The following GPM6A variants were observed in gnomAD, a reference collection of about 807,000 sequenced individuals.
GPM6A encodes glycoprotein M6A.
A neutral mutation model predicts 32.1 loss-of-function variants in GPM6A; 7 were observed. The ratio of observed to expected loss-of-function variants is 0.22; its 90% CI spans 0.12 to 0.41. The LOEUF (loss-of-function observed/expected upper bound fraction) is 0.41, where lower values mean the gene tolerates loss of function less well. Among genes scored for constraint, GPM6A ranks in the 10% least tolerant of loss-of-function variants. The pLI, the probability that GPM6A is intolerant of heterozygous loss-of-function variation, is 1.00. For missense variants in GPM6A, 235 were observed against 347.2 expected (o/e 0.68, Z 2.57); for synonymous variants, 130 against 123.4 (o/e 1.05, Z -0.35).
intron 1 of GPM6A, among the ~76,000 whole-genome samples, chr4:175,961,897 C>T (rs1245743360): frequency 6.6e-6 from 1 of 152,186 alleles, no homozygotes; most frequent in Non-Finnish European, 1.5e-5. Context: ...CCCAAGGGCA[C>T]AGGCTCAGTA....
chr4:175,984,320 G>A (rs141697120), intron 1 of GPM6A, among the ~76,000 whole-genome samples: 1,560 of 151,906 alleles, frequency 0.01, 10 homozygotes, highest in South Asian at 0.023. Flanking sequence ...GTTCCACCAC[G>A]CCCGGCTAAT....
intron 1 of GPM6A, among the ~76,000 whole-genome samples, chr4:175,962,991 AG>A: frequency 6.6e-6 from 1 of 152,312 alleles, no homozygotes; most frequent in East Asian, 1.9e-4. Flanking sequence ...AAATCTAAAG[AG>A]TGCTAGAAAT....
chr4:175,987,303 A>G (rs892988412), intron 1 of GPM6A, among the ~76,000 whole-genome samples: 1 of 152,204 alleles, frequency 6.6e-6, no homozygotes, highest in Non-Finnish European at 1.5e-5. Context: ...CTGGCTCTTA[A>G]TTCTAGCTTC....
At chr4:175,858,744 G>T (rs1372787536) in intron 1 of GPM6A, among the ~76,000 whole-genome samples, 1 of 152,046 alleles carries the variant, frequency 6.6e-6, no homozygotes, top group Non-Finnish European at 1.5e-5. Flanking sequence ...GAGAAACGAA[G>T]GTGTGTGTCC....
intron 1 of GPM6A, among the ~76,000 whole-genome samples, chr4:175,931,959 G>A (rs1739061422): frequency 6.6e-6 from 1 of 151,758 alleles, no homozygotes; most frequent in African/African-American, 2.4e-5. Flanking sequence ...AGGTATGGTG[G>A]TGCATGCCTG....
chr4:175,927,498 G>A (rs1475624487), intron 1 of GPM6A, among the ~76,000 whole-genome samples: 11 of 152,238 alleles, frequency 7.2e-5, no homozygotes, highest in Admixed American at 5.2e-4. Context: ...CTAGACCTAC[G>A]TCTCCCAACA....
chr4:175,642,845 C>A (rs1323165379), intron 4 of GPM6A, among the ~76,000 whole-genome samples: 1 of 152,070 alleles, frequency 6.6e-6, no homozygotes, highest in African/African-American at 2.4e-5. Context: ...ATTCATATAT[C>A]CAATTTCTCA....
At chr4:175,874,316 GAC>G (rs1194727016) in intron 1 of GPM6A, among the ~76,000 whole-genome samples, 1 of 152,162 alleles carries the variant, frequency 6.6e-6, no homozygotes, top group Non-Finnish European at 1.5e-5. Context: ...AGAAGTCAGA[GAC>G]ATTTTAAAAA....
rs1732346346 is a variant in GPM6A, at chr4:175,751,753, T to TG, written c.38-49987_38-49986insC. ...AGTCACACGATGCACCTGTTTTTTT[T>TG]TTTGTTGTTGTTGTTTGTTTTTTGG... On this transcript the variant is annotated intron_variant, in intron 1 of 6. Coordinates refer to ENST00000393658, the MANE Select transcript of GPM6A (RefSeq NM_201591.3). 7.2e-5 allele frequency among the ~76,000 whole-genome samples: 11 copies of TG among 152,038 alleles called. No homozygotes were observed. In the South Asian group the frequency reaches 2.3e-3, roughly 32 times the overall value.
intron 1 of GPM6A, among the ~76,000 whole-genome samples, chr4:175,873,524 A>C (rs1736981336): frequency 6.6e-6 from 1 of 152,186 alleles, no homozygotes; most frequent in African/African-American, 2.4e-5. Flanking sequence ...AAACATAGCC[A>C]AACTATAAAT....
chr4:175,702,798 G>A (rs1744953514), intron 1 of GPM6A, among the ~76,000 whole-genome samples: 1 of 152,118 alleles, frequency 6.6e-6, no homozygotes, highest in African/African-American at 2.4e-5. Context: ...GACAGAGACT[G>A]GAAGAGACAA....
At chr4:175,881,431 T>C (rs1737271514) in intron 1 of GPM6A, among the ~76,000 whole-genome samples, 1 of 152,186 alleles carries the variant, frequency 6.6e-6, no homozygotes, top group Non-Finnish European at 1.5e-5. Flanking sequence ...TGGAAGACAG[T>C]GTAGCAATTC....
intron 1 of GPM6A, among the ~76,000 whole-genome samples, chr4:175,932,285 A>C (rs1384392811): frequency 1.3e-5 from 2 of 152,252 alleles, no homozygotes; most frequent in Non-Finnish European, 2.9e-5. Flanking sequence ...GAAGGGGATT[A>C]AGGCTCTTAT....
intron 1 of GPM6A, among the ~76,000 whole-genome samples, chr4:175,820,795 G>C (rs772890189): frequency 6.6e-6 from 1 of 151,906 alleles, no homozygotes; most frequent in Non-Finnish European, 1.5e-5. Context: ...CACCACACCC[G>C]GCCTGTTTTG....
chr4:175,905,526 T>C (rs1204189812), intron 1 of GPM6A, among the ~76,000 whole-genome samples: 1 of 152,044 alleles, frequency 6.6e-6, no homozygotes, highest in Non-Finnish European at 1.5e-5. Flanking sequence ...TACAAACCAT[T>C]CTCCCTTTCC....
chr4:175,691,848 A>T (rs2111038318), intron 2 of GPM6A, among the ~76,000 whole-genome samples: 1 of 152,356 alleles, frequency 6.6e-6, no homozygotes, highest in Non-Finnish European at 1.5e-5. Flanking sequence ...AATCCTTAAA[A>T]GTAAAAGAGA....
At position 175,637,203 on chromosome 4, in the gene GPM6A, G is replaced by C. The variant is rs796086443; in HGVS notation, c.685-2146C>G. On this transcript the variant is annotated intron_variant, in intron 6 of 6. Transcript: ENST00000393658. ...GTGACATATATCATATATTATATGT[G>C]ACATAATATATCATATATAATATAA... is the stretch of plus-strand genomic sequence containing the variant. Among the ~76,000 whole-genome samples, 126 of 16,140 alleles carry C rather than the reference G, an allele frequency of 7.8e-3. 1 individual carries two copies. The highest frequency in any genetic ancestry group is 0.016 in the Middle Eastern group (1 of 62). 10.6% of individuals were successfully genotyped at this position (16,140 alleles called of 152,430 possible).
At chr4:175,759,917 C>G (rs779284328) in intron 1 of GPM6A, among the ~76,000 whole-genome samples, 1 of 152,096 alleles carries the variant, frequency 6.6e-6, no homozygotes, top group East Asian at 1.9e-4. Flanking sequence ...CAGTGGCTCA[C>G]GCATGTAATC....
intron 6 of GPM6A, among the ~76,000 whole-genome samples, chr4:175,636,794 C>CA (rs1740643352): frequency 6.9e-6 from 1 of 144,944 alleles, no homozygotes; most frequent in Non-Finnish European, 1.5e-5. Context: ...GACTCTGTCT[C>CA]AAAAAAATAC....
Sources: gnomAD v4.1 joint callset for allele counts (sites outside exome capture counted in the v4.1 genomes callset) on GRCh38, gnomAD v4.1.1 for gene constraint, MANE v1.5 for transcripts, NCBI Gene and HGNC (gene_info 2026-07-23, HGNC 2026-07-21) for gene names.